FRK: variants seen among roughly 807,000 people sequenced by gnomAD.
FRK encodes the protein tyrosine-protein kinase FRK.
Under a neutral mutation model 56.4 loss-of-function variants are expected in FRK, and 51 were observed. That is an observed-to-expected ratio of 0.90 (90% CI 0.72 to 1.14). The LOEUF is 1.14. Ranked by LOEUF, FRK falls within the 50% of genes most tolerant of loss-of-function variation. The probability of loss-of-function intolerance (pLI) is 0.00; values close to 1 mark genes in which losing one functional copy is unlikely to be tolerated. For synonymous variants in FRK, 245 were observed against 217.9 expected, an observed-to-expected ratio of 1.12 and a Z score of -1.10; for missense variants, 570 against 601.4, an observed-to-expected ratio of 0.95 and a Z score of 0.55.
At chr6:116,069,048 T>C in the FRK span, among the ~76,000 whole-genome samples, 3 of 152,160 alleles carry the variant, frequency 2.0e-5, no homozygotes, top group Admixed American at 6.5e-5. Flanking sequence ...TCCTAAAATA[T>C]AGTTATCCAT....
intron 1 of FRK, among the ~76,000 whole-genome samples, chr6:116,022,300 A>T (rs965648919): frequency 2.0e-5 from 3 of 152,092 alleles, no homozygotes; most frequent in Admixed American, 6.5e-5. Flanking sequence ...AGAAATAAAA[A>T]ATGTTTTCCA....
intron 2 of FRK, among the ~76,000 whole-genome samples, chr6:115,987,700 C>T (rs967928936): frequency 2.0e-5 from 3 of 152,030 alleles, no homozygotes; most frequent in Non-Finnish European, 2.9e-5. Flanking sequence ...GGAACTGTAT[C>T]GCTTGCCATT....
chr6:116,032,323 A>G (rs1416156096), intron 1 of FRK, among the ~76,000 whole-genome samples: 1 of 152,130 alleles, frequency 6.6e-6, no homozygotes, highest in Non-Finnish European at 1.5e-5. Flanking sequence ...GAGAAAAAAG[A>G]GATGCTTTTC....
intron 1 of FRK, among the ~76,000 whole-genome samples, chr6:116,026,693 G>T (rs1036815062): frequency 1.3e-5 from 2 of 151,984 alleles, no homozygotes; most frequent in Non-Finnish European, 2.9e-5. Flanking sequence ...AAATTCTTTG[G>T]GATCCAAGTT....
chr6:115,937,261 C>G lies in FRK; in HGVS notation c.*5153G>C, dbSNP rs1256419702. The G allele has an allele frequency of 6.6e-6, 1 of 152,160 alleles. No homozygotes were observed. Among genetic ancestry groups the G allele is most frequent in the Non-Finnish European group, 1.5e-5 (1 of 68,026 alleles). 9.4% of individuals were successfully genotyped at this position (152,160 alleles called of 1,614,324 possible). ...AGCGAAGGAGAAATAAAATCCTTTACAGACAAGCAAATGCTGAGAGATTTT... is the reference window on the plus strand; with the variant it reads ...AGCGAAGGAGAAATAAAATCCTTTAGAGACAAGCAAATGCTGAGAGATTTT... On this transcript the variant is annotated 3_prime_UTR_variant, in exon 8 of 8. Transcript: ENST00000606080.
intron 4 of FRK, among the ~76,000 whole-genome samples, chr6:115,962,163 G>C (rs1319653257): frequency 9.5e-5 from 13 of 137,322 alleles, no homozygotes; most frequent in African/African-American, 3.6e-4. Flanking sequence ...CTCACGTGCA[G>C]AGACACACAT....
chr6:116,046,160 A>G (rs1413436299), intron 1 of FRK, among the ~76,000 whole-genome samples: 1 of 151,170 alleles, frequency 6.6e-6, no homozygotes, highest in Non-Finnish European at 1.5e-5. Flanking sequence ...CTGGAGAAAT[A>G]GGAATGCTTT....
At chr6:116,003,718 A>AT (rs1554231806) in intron 2 of FRK, among the ~76,000 whole-genome samples, 159 bp downstream of exon 2, 2 of 152,180 alleles carry the variant, frequency 1.3e-5, no homozygotes, top group African/African-American at 2.4e-5. Context: ...TTTTTGGCTA[A>AT]TTTTTATATT....
chr6:115,987,401 C>G (rs908036499), intron 2 of FRK, among the ~76,000 whole-genome samples: 1 of 152,024 alleles, frequency 6.6e-6, no homozygotes, highest in Admixed American at 6.6e-5. Flanking sequence ...TGGGAGAACC[C>G]ATTTGGAGCT....
At chr6:115,975,514 T>TTGCACC (rs1773960715) in intron 2 of FRK, among the ~76,000 whole-genome samples, 1 of 152,184 alleles carries the variant, frequency 6.6e-6, no homozygotes, top group Non-Finnish European at 1.5e-5. Flanking sequence ...TTAATGAAGG[T>TTGCACC]TGAATTCAGG....
chr6:115,969,394 G>A (rs1773715551), intron 2 of FRK, among the ~76,000 whole-genome samples: 1 of 152,112 alleles, frequency 6.6e-6, no homozygotes, highest in African/African-American at 2.4e-5. Context: ...GGTAAGTCCT[G>A]TAGGACCTAC....
the FRK span, among the ~76,000 whole-genome samples, chr6:116,079,043 A>T: frequency 6.6e-6 from 1 of 151,948 alleles, no homozygotes; most frequent in Non-Finnish European, 1.5e-5. Flanking sequence ...CTTTTGGGTT[A>T]TTTGCGGTTT....
At chr6:115,953,129 T>C (rs1010887260) in intron 5 of FRK, among the ~76,000 whole-genome samples, 1 of 148,432 alleles carries the variant, frequency 6.7e-6, no homozygotes, top group African/African-American at 2.5e-5. Flanking sequence ...TTCATCTTAA[T>C]AATATTTATC....
chr6:115,996,389 T>A (rs1355551261), intron 2 of FRK, among the ~76,000 whole-genome samples: 2 of 152,092 alleles, frequency 1.3e-5, no homozygotes, highest in African/African-American at 2.4e-5. Context: ...AGAATCATGG[T>A]AGCTGAAGGG....
chr6:116,057,097 GAC>G (rs1434013504), intron 1 of FRK, among the ~76,000 whole-genome samples: 1 of 152,116 alleles, frequency 6.6e-6, no homozygotes, highest in Non-Finnish European at 1.5e-5. Flanking sequence ...CAAAAGTAAA[GAC>G]ATAAAAACAC....
intron 1 of FRK, among the ~76,000 whole-genome samples, chr6:116,031,630 T>A (rs192928296): frequency 5.9e-5 from 9 of 152,232 alleles, no homozygotes; most frequent in Admixed American, 4.6e-4. Flanking sequence ...TCTGTGTACA[T>A]CTAAGCCAAT....
the FRK span, among the ~76,000 whole-genome samples, chr6:116,096,918 GACCAAGA>G: frequency 2.0e-5 from 3 of 152,188 alleles, no homozygotes; most frequent in Non-Finnish European, 4.4e-5. Flanking sequence ...AAGTCAGTGA[GACCAAGA>G]ACCCCCTGGA....
chr6:116,039,335 C>A, intron 1 of FRK: 1 of 1,420,622 alleles, frequency 7.0e-7, no homozygotes, highest in Non-Finnish European at 9.9e-7. Flanking sequence ...TGTCCAACAT[C>A]TCTGATGTGG....
At chr6:115,948,633 C>T (rs1772566677) in intron 5 of FRK, among the ~76,000 whole-genome samples, 1 of 152,176 alleles carries the variant, frequency 6.6e-6, no homozygotes. Flanking sequence ...CCACTTATAA[C>T]TTATGATTGT....
Sources: gnomAD v4.1 joint callset for allele counts (sites outside exome capture counted in the v4.1 genomes callset) on GRCh38, gnomAD v4.1.1 for gene constraint, MANE v1.5 for transcripts, NCBI Gene and HGNC (gene_info 2026-07-23, HGNC 2026-07-21) for gene names.